The following STK24 variants were observed in gnomAD, a reference collection of about 807,000 sequenced individuals.
The protein encoded by STK24 is serine/threonine kinase 24, also known as serine/threonine-protein kinase 24.
Under a neutral mutation model 55.6 loss-of-function variants are expected in STK24, and 21 were observed. That is an observed-to-expected ratio of 0.38 (90% CI 0.27 to 0.54). The LOEUF is 0.54. STK24 is among the 20% of genes least tolerant of loss of function. The pLI, the probability that STK24 is intolerant of heterozygous loss-of-function variation, is 0.79. For missense variants in STK24, 383 were observed against 538.4 expected (o/e 0.71, Z 2.86); for synonymous variants, 200 against 215.2 (o/e 0.93, Z 0.62).
chr13:98,519,844 T>G (rs1284725419), intron 1 of STK24, among the ~76,000 whole-genome samples: 1 of 152,198 alleles, frequency 6.6e-6, no homozygotes, highest in African/African-American at 2.4e-5. Context: ...TAAGCAAAAA[T>G]TCACTTTTCT....
At position 98,462,028 on chromosome 13, in the gene STK24, A is replaced by T. The variant is rs1893728554; in HGVS notation, c.930-131T>A. 4 of 1,100,688 alleles carry T rather than the reference A, an allele frequency of 3.6e-6. No individual in the cohort carries two copies. The East Asian group carries it at 1.0e-4, about 28-fold the overall frequency. 68.2% of individuals were successfully genotyped at this position (1,100,688 alleles called of 1,614,324 possible). Reference sequence around the variant, plus strand: ...CCAGCCCCAAGTCCCCACCCATCACACCCTTGTCCAGTCCCTCTGGGATTT... The same window carrying T: ...CCAGCCCCAAGTCCCCACCCATCACTCCCTTGTCCAGTCCCTCTGGGATTT... On this transcript the variant is annotated intron_variant, in intron 7 of 10. Transcript: ENST00000539966.
At chr13:98,489,894 GA>G (rs1319635274) in intron 2 of STK24, among the ~76,000 whole-genome samples, 2 of 152,198 alleles carry the variant, frequency 1.3e-5, no homozygotes, top group Non-Finnish European at 2.9e-5. Flanking sequence ...ACAAATACAT[GA>G]GGAGAAAAGG....
At chr13:98,471,465 G>A (rs1011623439) in intron 5 of STK24, among the ~76,000 whole-genome samples, 1 of 152,162 alleles carries the variant, frequency 6.6e-6, no homozygotes, top group Non-Finnish European at 1.5e-5. Flanking sequence ...GTGAGCAGAG[G>A]TATCTCCCTT....
chr13:98,483,194 G>A (rs1397610398), intron 2 of STK24, among the ~76,000 whole-genome samples: 1 of 152,234 alleles, frequency 6.6e-6, no homozygotes, highest in Non-Finnish European at 1.5e-5. Context: ...CCCACTTCAC[G>A]ACCTAGGGGC....
chr13:98,542,959 AG>A, intron 1 of STK24: 1 of 985,406 alleles, frequency 1.0e-6, no homozygotes, highest in African/African-American at 1.7e-5. Flanking sequence ...CGGAGTACCA[AG>A]TCTCAGATCC....
At position 98,461,909 on chromosome 13, in the gene STK24, A is replaced by C; in HGVS notation, c.930-12T>G. 6.2e-7 allele frequency: 1 copy of C among 1,612,974 alleles called. No homozygotes were observed. Among genetic ancestry groups the C allele is most frequent in the Non-Finnish European group, 8.5e-7 (1 of 1,179,200 alleles). ...GGCCATCTGTTTCCCTTAACACAGA[A>C]ATGCAGGAAATCCCATCAGTGCTCG... On this transcript the variant is annotated splice_polypyrimidine_tract_variant and intron_variant, in intron 7 of 10. Transcript: ENST00000539966.
At chr13:98,548,436 G>A (rs751287448) in intron 1 of STK24, among the ~76,000 whole-genome samples, 3 of 152,112 alleles carry the variant, frequency 2.0e-5, no homozygotes, top group Non-Finnish European at 2.9e-5. Flanking sequence ...TCCAACTAAA[G>A]GCTGAGATAG....
Position 98,448,924 on chromosome 13 carries a change from A to G in STK24, c.*4249T>C, listed in dbSNP as rs1270702555. The stretch of plus-strand genomic sequence containing the variant: ...CTGCGGGGTTTCACGCTCACCTGAA[A>G]ACACCTGTTCCCAACCTACTTCTTG... On this transcript the variant is annotated 3_prime_UTR_variant, in exon 11 of 11. Coordinates refer to ENST00000539966, the MANE Select transcript of STK24 (RefSeq NM_001032296.4). 6.6e-6 allele frequency: 1 copy of G among 152,188 alleles called. No homozygotes were observed. The highest frequency in any genetic ancestry group is 1.5e-5 in the Non-Finnish European group (1 of 68,060). 9.4% of individuals were successfully genotyped at this position (152,188 alleles called of 1,614,324 possible).
intron 1 of STK24, among the ~76,000 whole-genome samples, chr13:98,561,977 CAAAAAAAAAAAAAAA>C (rs10564690): frequency 1.1e-4 from 6 of 53,620 alleles, no homozygotes; most frequent in African/African-American, 3.4e-4. Flanking sequence ...GACTCCGTCT[CAAAAAAAAAAAAAAA>C]AAAAAAAAAA....
chr13:98,554,558 G>A (rs1897238993), intron 1 of STK24, among the ~76,000 whole-genome samples: 1 of 152,096 alleles, frequency 6.6e-6, no homozygotes, highest in African/African-American at 2.4e-5. Flanking sequence ...GCTGCCAGTG[G>A]CTCATCCTTG....
At chr13:98,515,454 G>A (rs868537438) in intron 2 of STK24, among the ~76,000 whole-genome samples, 3 of 151,018 alleles carry the variant, frequency 2.0e-5, no homozygotes, top group Non-Finnish European at 2.9e-5. Flanking sequence ...AACGGGTGAA[G>A]TTTTTTCCAT....
rs530989282 is a variant in STK24, at chr13:98,458,745, G to A, written c.1123-1441C>T. Among the ~76,000 whole-genome samples, 17 of 152,330 alleles carry A rather than the reference G, an allele frequency of 1.1e-4. No individual in the cohort carries two copies. The South Asian group carries it at 2.3e-3, about 20-fold the overall frequency. On this transcript the variant is annotated intron_variant, in intron 9 of 10. Coordinates refer to ENST00000539966, the MANE Select transcript of STK24 (RefSeq NM_001032296.4). ...GGCCTGTCCCCTTGCCGTGTGGAAC[G>A]TGCTGGACCCATCACTGACTTCAGG... is the stretch of plus-strand genomic sequence containing the variant.
At chr13:98,523,359 G>A (rs1896326351) in intron 1 of STK24, among the ~76,000 whole-genome samples, 1 of 152,188 alleles carries the variant, frequency 6.6e-6, no homozygotes, top group Non-Finnish European at 1.5e-5. Context: ...GGACCCTGTG[G>A]GAGACTGTTA....
At position 98,576,732 on chromosome 13, in the gene STK24, C is replaced by G. The variant is rs771868110; in HGVS notation, c.42+13G>C. On this transcript the variant is annotated intron_variant, in intron 1 of 10. Coordinates refer to ENST00000539966, the MANE Select transcript of STK24 (RefSeq NM_001032296.4). Reference sequence around the variant, plus strand: ...GGTCGCGCATCCCGGCCCCGCGGCCCGCGCCCGCCTACCTGCATGCCGGGC... The same window carrying G: ...GGTCGCGCATCCCGGCCCCGCGGCCGGCGCCCGCCTACCTGCATGCCGGGC... 2.2e-5 allele frequency: 32 copies of G among 1,459,946 alleles called. No individual in the cohort carries two copies. Among genetic ancestry groups the G allele is most frequent in the Admixed American group, 2.2e-4 (9 of 41,734 alleles). The allele number at this position is 1,459,946 out of a possible 1,614,324, so 90.4% of individuals were successfully genotyped here. A position where few individuals can be genotyped will look rare whatever the true frequency, so the allele number is the denominator to read the frequency against.
At chr13:98,466,271 C>A in intron 6 of STK24, 105 bp downstream of exon 6, 1 of 1,129,122 alleles carries the variant, frequency 8.9e-7, no homozygotes, top group Non-Finnish European at 1.2e-6. Flanking sequence ...TGAATAATAC[C>A]AGGAAGACAG....
intron 1 of STK24, among the ~76,000 whole-genome samples, chr13:98,544,250 C>G (rs1195644572): frequency 1.3e-5 from 2 of 152,216 alleles, no homozygotes; most frequent in Admixed American, 1.3e-4. Context: ...GGACCTTAGG[C>G]CAGCACAGGG....
chr13:98,527,144 C>T (rs1310102313), intron 1 of STK24, among the ~76,000 whole-genome samples: 3 of 152,178 alleles, frequency 2.0e-5, no homozygotes, highest in African/African-American at 7.2e-5. Flanking sequence ...TGGCCAGCCA[C>T]TGAGAATAAC....
chr13:98,457,465 CTTTTT>C (rs11351684), intron 9 of STK24, among the ~76,000 whole-genome samples, 161 bp from the exon 10 acceptor site: 7 of 110,804 alleles, frequency 6.3e-5, no homozygotes, highest in Non-Finnish European at 1.8e-5. Context: ...CTTCAAATTG[CTTTTT>C]TTTTTTTTTT....
rs1566329055 is a variant in STK24, at chr13:98,446,661, T to G, written c.*6512A>C. 6.2e-7 allele frequency: 1 copy of G among 1,613,852 alleles called. No individual in the cohort carries two copies. Among genetic ancestry groups the G allele is most frequent in the African/African-American group, 1.3e-5 (1 of 74,890 alleles). ...AAGCCACTTTGCTTTGTTTCCCCTTTCCAGGACAATCATCCCCTTGCCAGC... is the reference window on the plus strand; with the variant it reads ...AAGCCACTTTGCTTTGTTTCCCCTTGCCAGGACAATCATCCCCTTGCCAGC... On this transcript the variant is annotated 3_prime_UTR_variant, in exon 11 of 11. Transcript: ENST00000539966.
Sources: gnomAD v4.1 joint callset for allele counts (sites outside exome capture counted in the v4.1 genomes callset) on GRCh38, gnomAD v4.1.1 for gene constraint, MANE v1.5 for transcripts, NCBI Gene and HGNC (gene_info 2026-07-23, HGNC 2026-07-21) for gene names.